The following WTIP variants were observed in gnomAD, a reference collection of about 807,000 sequenced individuals.
The protein encoded by WTIP is Wilms tumor protein 1-interacting protein.
In WTIP, 23 loss-of-function variants were observed where a neutral mutation model predicts 41.7. That is an observed-to-expected ratio of 0.55 (90% CI 0.40 to 0.78). WTIP has a LOEUF of 0.78. Among genes scored for constraint, WTIP ranks in the 30% least tolerant of loss-of-function variants. The pLI is 0.00. For synonymous variants in WTIP, 314 were observed against 269.9 expected (o/e 1.16, Z -1.60); for missense variants, 619 against 610.5 (o/e 1.01, Z -0.15).
Position 34,502,278 on chromosome 19 carries a change from CAG to C in WTIP, c.*2010_*2011del, listed in dbSNP as rs1334598191. On this transcript the variant is annotated 3_prime_UTR_variant, in exon 8 of 8. Transcript: ENST00000590071. ...GCTTTTTTTTTTTTTTTTTTTGAGA[CAG>C]GGTCTCGTTCTGTCGCCCAGGCTGG... 3.9e-5 allele frequency: 5 copies of C among 126,940 alleles called. No individual in the cohort carries two copies. Among genetic ancestry groups the C allele is most frequent in the Admixed American group, 2.6e-4 (3 of 11,472 alleles). The allele number at this position is 126,940 out of a possible 1,614,324, so 7.9% of individuals were successfully genotyped here.
Position 34,486,725 on chromosome 19 carries a change from C to T in WTIP, c.668-3651C>T, listed in dbSNP as rs189453093. Among the ~76,000 whole-genome samples, 179 of 152,180 alleles carry T rather than the reference C, an allele frequency of 1.2e-3. 1 individual carries two copies. The highest frequency in any genetic ancestry group is 3.8e-3 in the African/African-American group (156 of 41,542). ...ACCTTCCTCCCTCCTGGGACCCCTA[C>T]CTTTGCTTCTGACTTCCCTTGGAAT... On this transcript the variant is annotated intron_variant, in intron 1 of 7. Coordinates refer to ENST00000590071, the MANE Select transcript of WTIP (RefSeq NM_001080436.2).
rs1268428734 is a variant in WTIP, at chr19:34,501,488, C to G, written c.*1219C>G. The G allele has an allele frequency of 6.6e-6, 1 of 152,280 alleles. No homozygotes were observed. Among genetic ancestry groups the G allele is most frequent in the Non-Finnish European group, 1.5e-5 (1 of 68,092 alleles). 9.4% of individuals were successfully genotyped at this position (152,280 alleles called of 1,614,324 possible). On this transcript the variant is annotated 3_prime_UTR_variant, in exon 8 of 8. Coordinates refer to ENST00000590071, the MANE Select transcript of WTIP (RefSeq NM_001080436.2). ...GGCCCTGGTCCTGATGCGGAATCCC[C>G]AGGGGTTCAGGGGACATCTGGACTG... is the stretch of plus-strand genomic sequence containing the variant.
chr19:34,495,872 T>C, intron 7 of WTIP, 101 bp downstream of exon 7: 1 of 1,231,358 alleles, frequency 8.1e-7, no homozygotes, highest in South Asian at 1.3e-5. Context: ...AAAATTTTAG[T>C]TTTGCCAGGC....
chr19:34,495,011 C>T (rs1312358640), intron 6 of WTIP, among the ~76,000 whole-genome samples: 3 of 152,350 alleles, frequency 2.0e-5, no homozygotes, highest in Admixed American at 6.5e-5. Flanking sequence ...CTACAGCTCT[C>T]CTGGCCTGGG....
chr19:34,482,095 C>T lies in WTIP; in HGVS notation c.121C>T (p.Pro41Ser). 9.6e-7 allele frequency: 1 copy of T among 1,041,462 alleles called. No homozygotes were observed. Among genetic ancestry groups the T allele is most frequent in the East Asian group, 7.9e-5 (1 of 12,640 alleles). 64.5% of individuals were successfully genotyped at this position (1,041,462 alleles called of 1,614,324 possible). A position where few individuals can be genotyped will look rare whatever the true frequency, so the allele number is the denominator to read the frequency against. Residue 41 changes from proline (P) to serine (S), a missense_variant, in exon 1 of 8, where the codon CCT becomes TCT. Coordinates refer to ENST00000590071, the MANE Select transcript of WTIP (RefSeq NM_001080436.2). ...GRGRRGPRPG[P>S]GDEAAPALGR... is the part of the protein sequence containing the mutation. ...GGGGCGGCGGGGGCCGCGGCCTGGG[C>T]CTGGAGACGAGGCGGCGCCCGCGCT...
chr19:34,503,339 A>ACCTTCTC lies in WTIP; in HGVS notation c.*3070_*3071insCCTTCTC, dbSNP rs564542886. 35,401 of 151,978 alleles carry ACCTTCTC rather than the reference A, an allele frequency of 0.23. 4,331 individuals carry two copies. Among genetic ancestry groups the ACCTTCTC allele is most frequent in the East Asian group, 0.39 (2,021 of 5,136 alleles). The allele number at this position is 151,978 out of a possible 1,614,324, so 9.4% of individuals were successfully genotyped here. ...CCCGGGGTTTCTTCCTCTATGAAGA[A>ACCTTCTC]ACCTTGGCCTCTATGAAGTCAGGCC... On this transcript the variant is annotated 3_prime_UTR_variant, in exon 8 of 8. Coordinates refer to ENST00000590071, the MANE Select transcript of WTIP (RefSeq NM_001080436.2).
At chr19:34,497,000 C>A (rs770959106) in intron 7 of WTIP, among the ~76,000 whole-genome samples, 1 of 152,120 alleles carries the variant, frequency 6.6e-6, no homozygotes, top group Admixed American at 6.6e-5. Context: ...GTAGCTGGGA[C>A]TACAGGCACC....
chr19:34,497,061 C>T (rs2075858339), intron 7 of WTIP, among the ~76,000 whole-genome samples: 1 of 152,078 alleles, frequency 6.6e-6, no homozygotes, highest in Admixed American at 6.5e-5. Flanking sequence ...CAGGGTTTCA[C>T]CATGTTGGCT....
At chr19:34,485,745 C>G (rs1291514199) in intron 1 of WTIP, among the ~76,000 whole-genome samples, 4 of 152,182 alleles carry the variant, frequency 2.6e-5, no homozygotes, top group Non-Finnish European at 5.9e-5. Context: ...AGGTGTGCAT[C>G]ACCATGCTCG....
chr19:34,505,065 G>A lies in WTIP; in HGVS notation c.*4796G>A. The A allele has an allele frequency of 6.5e-6, 1 of 152,838 alleles. No individual in the cohort carries two copies. Among genetic ancestry groups the A allele is most frequent in the Non-Finnish European group, 1.5e-5 (1 of 68,452 alleles). 9.5% of individuals were successfully genotyped at this position (152,838 alleles called of 1,614,324 possible). Reference sequence around the variant, plus strand: ...TGCCCCCACCCCGCCCCCATGGTAGGCGTGTTCCCTAGAGGCTGGTGGGGA... The same window carrying A: ...TGCCCCCACCCCGCCCCCATGGTAGACGTGTTCCCTAGAGGCTGGTGGGGA... On this transcript the variant is annotated 3_prime_UTR_variant, in exon 8 of 8. Transcript: ENST00000590071.
Position 34,493,221 on chromosome 19 carries a change from C to T in WTIP, c.838-42C>T, listed in dbSNP as rs1330174487. ...CAGGTGCTAGCTGGGCCGCGAGTGC[C>T]CCTTTGTCACACAATGTCCTGGATC... On this transcript the variant is annotated intron_variant, in intron 3 of 7. Coordinates refer to ENST00000590071, the MANE Select transcript of WTIP (RefSeq NM_001080436.2). The surrounding 1 kb of genome is among the most constrained non-coding windows in gnomAD (Gnocchi z 4.1). 2 of 1,613,372 alleles carry T rather than the reference C, an allele frequency of 1.2e-6. No individual in the cohort carries two copies. Among genetic ancestry groups the T allele is most frequent in the East Asian group, 2.2e-5 (1 of 44,862 alleles).
chr19:34,498,864 C>T (rs1201245282), intron 7 of WTIP, among the ~76,000 whole-genome samples: 1 of 151,098 alleles, frequency 6.6e-6, no homozygotes, highest in Non-Finnish European at 1.5e-5. Flanking sequence ...CATGCCACTG[C>T]ACTCCAGTCT....
chr19:34,495,249 T>C (rs2075846821), intron 6 of WTIP, among the ~76,000 whole-genome samples: 1 of 151,980 alleles, frequency 6.6e-6, no homozygotes, highest in Non-Finnish European at 1.5e-5. Context: ...AATAAAAAAT[T>C]AGCTGGGTGT....
intron 1 of WTIP, among the ~76,000 whole-genome samples, 193 bp from the exon 2 acceptor site, chr19:34,490,183 G>T (rs1301015217): frequency 6.6e-6 from 1 of 152,176 alleles, no homozygotes; most frequent in East Asian, 1.9e-4. Context: ...TCCTCAGACA[G>T]CAGCAGCGGC....
chr19:34,484,864 A>G (rs1475213543), intron 1 of WTIP, among the ~76,000 whole-genome samples: 1 of 149,392 alleles, frequency 6.7e-6, no homozygotes, highest in African/African-American at 2.5e-5. Flanking sequence ...CAGGAGTTCC[A>G]GGCTGCAACG....
At chr19:34,483,876 G>A (rs1178104617) in intron 1 of WTIP, among the ~76,000 whole-genome samples, 2 of 149,004 alleles carry the variant, frequency 1.3e-5, no homozygotes, top group Non-Finnish European at 3.0e-5. Flanking sequence ...GTCTTTGAGC[G>A]TTCAATGGTG....
In WTIP at chr19:34,481,865, A is replaced by T; in HGVS notation, c.-110A>T. 1.8e-6 allele frequency: 1 copy of T among 553,012 alleles called. No individual in the cohort carries two copies. Among genetic ancestry groups the T allele is most frequent in the Non-Finnish European group, 2.3e-6 (1 of 437,502 alleles). The allele number at this position is 553,012 out of a possible 1,614,324, so 34.3% of individuals were successfully genotyped here. A position where few individuals can be genotyped will look rare whatever the true frequency, so the allele number is the denominator to read the frequency against. The stretch of plus-strand genomic sequence containing the variant: ...GCCGGCCCCGCCCCGCCCCGCGCCC[A>T]GGGGTCCCGGGGCGGGCTCCGGGCT... On this transcript the variant is annotated 5_prime_UTR_variant, in exon 1 of 8. Coordinates refer to ENST00000590071, the MANE Select transcript of WTIP (RefSeq NM_001080436.2).
intron 2 of WTIP, among the ~76,000 whole-genome samples, chr19:34,492,201 T>C (rs539191063): frequency 6.7e-6 from 1 of 149,454 alleles, no homozygotes; most frequent in East Asian, 2.0e-4. Context: ...CAGCCTTGAC[T>C]TCCTGGGCCC....
At chr19:34,484,336 G>A (rs768358420) in intron 1 of WTIP, among the ~76,000 whole-genome samples, 9 of 152,166 alleles carry the variant, frequency 5.9e-5, no homozygotes, top group Non-Finnish European at 1.0e-4. Context: ...AGATTGCCCC[G>A]CTCTTCCCCC....
Sources: gnomAD v4.1 joint callset for allele counts (sites outside exome capture counted in the v4.1 genomes callset) on GRCh38, gnomAD v4.1.1 for gene constraint, Gnocchi (gnomAD v3.1) non-coding constraint, MANE v1.5 for transcripts, NCBI Gene and HGNC (gene_info 2026-07-23, HGNC 2026-07-21) for gene names.